The following EIF2B3 variants were observed in gnomAD, a reference collection of about 807,000 sequenced individuals.
EIF2B3 encodes the protein translation initiation factor eIF2B subunit gamma.
Under a neutral mutation model 54.1 loss-of-function variants are expected in EIF2B3, and 20 were observed. The observed-to-expected ratio is 0.37, with a 90% CI of 0.26 to 0.54. The LOEUF (loss-of-function observed/expected upper bound fraction) is 0.54. EIF2B3 is among the 20% of genes least tolerant of loss of function. The pLI, the probability that EIF2B3 is intolerant of heterozygous loss-of-function variation, is 0.86. For missense variants in EIF2B3, 448 were observed against 547.8 expected, an observed-to-expected ratio of 0.82 and a Z score of 1.82; for synonymous variants, 153 against 188.1, an observed-to-expected ratio of 0.81 and a Z score of 1.52.
chr1:44,985,756 C>T (rs145611340), intron 1 of EIF2B3, among the ~76,000 whole-genome samples: 6 of 152,366 alleles, frequency 3.9e-5, no homozygotes, highest in East Asian at 1.9e-4. Flanking sequence ...GCTCATGTCA[C>T]TGCCACGACT....
intron 5 of EIF2B3, among the ~76,000 whole-genome samples, chr1:44,906,604 T>C (rs1643415329): frequency 6.6e-6 from 1 of 152,170 alleles, no homozygotes; most frequent in African/African-American, 2.4e-5. Context: ...TTCATTATGT[T>C]GGTCAGGCTG....
intron 3 of EIF2B3, among the ~76,000 whole-genome samples, chr1:44,963,437 CTG>C: frequency 6.6e-6 from 1 of 151,962 alleles, no homozygotes; most frequent in East Asian, 2.0e-4. Context: ...ACCTGGCTAA[CTG>C]TTACATTTTT....
In EIF2B3 at chr1:44,943,883, T is replaced by C. The variant is rs1644067186; in HGVS notation, c.295-2218A>G. ...AGTTTAGGCTGGGCGCAGTGGCTCATGCCTGTATCCCAGCATTTTGGGACG... is the reference window on the plus strand; with the variant it reads ...AGTTTAGGCTGGGCGCAGTGGCTCACGCCTGTATCCCAGCATTTTGGGACG... On this transcript the variant is annotated intron_variant, in intron 3 of 11. Coordinates refer to ENST00000360403, the MANE Select transcript of EIF2B3 (RefSeq NM_020365.5). Among the ~76,000 whole-genome samples the C allele has an allele frequency of 2.0e-5, 3 of 152,102 alleles. No homozygotes were observed. The South Asian group carries it at 6.2e-4, about 32-fold the overall frequency.
chr1:44,875,587 T>A, intron 9 of EIF2B3, 31 bp downstream of exon 9: 1 of 1,607,672 alleles, frequency 6.2e-7, no homozygotes, highest in Non-Finnish European at 8.5e-7. Flanking sequence ...AAAGAACATC[T>A]CATGCCCGTC....
At position 44,918,411 on chromosome 1, in the gene EIF2B3, C is replaced by T. The variant is rs888158028; in HGVS notation, c.566+8217G>A. ...CATAGTAGCTTTTTTTTTTTTAAGA[C>T]GGAGTTTCACTCTTGTTGCACAAGC... On this transcript the variant is annotated intron_variant, in intron 5 of 11. Transcript: ENST00000360403. 9.5e-5 allele frequency among the ~76,000 whole-genome samples: 14 copies of T among 146,960 alleles called. No individual in the cohort carries two copies. In the South Asian group the frequency reaches 1.3e-3, roughly 14 times the overall value.
rs549769402 is a variant in EIF2B3 at position 44,964,153 on chromosome 1, C to T, written c.294+14162G>A. On this transcript the variant is annotated intron_variant, in intron 3 of 11. Coordinates refer to ENST00000360403, the MANE Select transcript of EIF2B3 (RefSeq NM_020365.5). Reference sequence around the variant, plus strand: ...GGCCAAAAAAAAAAAAAAAAGACTCCAAAATTTTTATATCCAACTCGTTTC... The same window carrying T: ...GGCCAAAAAAAAAAAAAAAAGACTCTAAAATTTTTATATCCAACTCGTTTC... Among the ~76,000 whole-genome samples, 754 of 150,238 alleles carry T rather than the reference C, an allele frequency of 5.0e-3. 10 individuals carry two copies. Among genetic ancestry groups the T allele is most frequent in the African/African-American group, 0.018 (723 of 40,950 alleles).
intron 5 of EIF2B3, among the ~76,000 whole-genome samples, chr1:44,899,388 C>T (rs1656088379): frequency 1.3e-5 from 2 of 152,116 alleles, no homozygotes; most frequent in East Asian, 3.8e-4. Context: ...GTTCTGTAAA[C>T]AGACAACCTA....
At chr1:44,895,528 C>A (rs2201941) in intron 6 of EIF2B3, among the ~76,000 whole-genome samples, 73,397 of 148,914 alleles carry the variant, frequency 0.49, 18,417 homozygotes, top group East Asian at 0.85. Flanking sequence ...CTCTCTCTCT[C>A]TATATATATA....
At chr1:44,871,159 T>C (rs1038879819) in intron 10 of EIF2B3, among the ~76,000 whole-genome samples, 8 of 152,236 alleles carry the variant, frequency 5.3e-5, no homozygotes, top group Admixed American at 5.2e-4. Flanking sequence ...AGAAATCTCA[T>C]TGCTCAAGCA....
chr1:44,852,334 C>T (rs1159356298), intron 11 of EIF2B3, among the ~76,000 whole-genome samples: 6 of 151,970 alleles, frequency 3.9e-5, no homozygotes, highest in Non-Finnish European at 8.8e-5. Flanking sequence ...TTTCCTGTTG[C>T]ACTCTTACTA....
chr1:44,954,410 A>T (rs995615660), intron 3 of EIF2B3, among the ~76,000 whole-genome samples: 2 of 152,168 alleles, frequency 1.3e-5, no homozygotes, highest in African/African-American at 4.8e-5. Flanking sequence ...TATTTCCTTC[A>T]GCAGTAGTTT....
In EIF2B3 at chr1:44,959,208, T is replaced by G. The variant is rs556309599; in HGVS notation, c.295-17543A>C. ...TAGGAATAACAACTCCAAGTTTCCTTTGGATAGTACACCTGTTTAAATCAG... is the reference window on the plus strand; with the variant it reads ...TAGGAATAACAACTCCAAGTTTCCTGTGGATAGTACACCTGTTTAAATCAG... On this transcript the variant is annotated intron_variant, in intron 3 of 11. Coordinates refer to ENST00000360403, the MANE Select transcript of EIF2B3 (RefSeq NM_020365.5). 4.3e-6 allele frequency: 3 copies of G among 696,746 alleles called. No homozygotes were observed. The East Asian group carries it at 7.6e-5, about 18-fold the overall frequency. 43.2% of individuals were successfully genotyped at this position (696,746 alleles called of 1,614,324 possible). A position where few individuals can be genotyped will look rare whatever the true frequency, so the allele number is the denominator to read the frequency against.
At chr1:44,879,335 T>A (rs891305200) in intron 8 of EIF2B3, among the ~76,000 whole-genome samples, 2 of 152,198 alleles carry the variant, frequency 1.3e-5, no homozygotes, top group Non-Finnish European at 1.5e-5. Flanking sequence ...AGACTCCTCA[T>A]TAATGCTGTT....
intron 10 of EIF2B3, among the ~76,000 whole-genome samples, chr1:44,863,342 C>G (rs971815507): frequency 3.3e-5 from 5 of 152,116 alleles, no homozygotes; most frequent in African/African-American, 1.2e-4. Flanking sequence ...AAGTATCTCT[C>G]TAGAGAAAGA....
chr1:44,920,479 C>T (rs1413717369), intron 5 of EIF2B3, among the ~76,000 whole-genome samples: 1 of 151,970 alleles, frequency 6.6e-6, no homozygotes, highest in Admixed American at 6.6e-5. Context: ...AGGTTTTATT[C>T]ATTCTTTCTA....
At chr1:44,941,824 A>G (rs1393431512) in intron 3 of EIF2B3, among the ~76,000 whole-genome samples, 159 bp from the exon 4 acceptor site, 2 of 152,206 alleles carry the variant, frequency 1.3e-5, no homozygotes, top group Admixed American at 1.3e-4. Context: ...GGTTGTTCTC[A>G]TTGAATTGTG....
At chr1:44,943,279 C>T (rs1185613527) in intron 3 of EIF2B3, among the ~76,000 whole-genome samples, 1 of 151,998 alleles carries the variant, frequency 6.6e-6, no homozygotes, top group African/African-American at 2.4e-5. Flanking sequence ...CCTGTCTCAG[C>T]CTCCCAAAGT....
intron 11 of EIF2B3, among the ~76,000 whole-genome samples, chr1:44,854,763 A>G (rs529199984): frequency 2.0e-5 from 3 of 151,154 alleles, no homozygotes; most frequent in East Asian, 3.9e-4. Context: ...AATTTTTTGT[A>G]TTTTTAGTAG....
chr1:44,888,544 T>G (rs186064620), intron 6 of EIF2B3, among the ~76,000 whole-genome samples: 30 of 152,258 alleles, frequency 2.0e-4, no homozygotes, highest in Admixed American at 8.5e-4. Flanking sequence ...ACTGTTTATC[T>G]CCTCTGTAAA....
Sources: gnomAD v4.1 joint callset for allele counts (sites outside exome capture counted in the v4.1 genomes callset) on GRCh38, gnomAD v4.1.1 for gene constraint, MANE v1.5 for transcripts, NCBI Gene and HGNC (gene_info 2026-07-23, HGNC 2026-07-21) for gene names.